The following SS18 variants were observed in gnomAD, a reference collection of about 807,000 sequenced individuals.
SS18 encodes SS18 subunit of BAF chromatin remodeling complex.
In SS18, 28 loss-of-function variants were observed where a neutral mutation model predicts 72.5. The observed-to-expected ratio is 0.39, with a 90% CI of 0.29 to 0.53. The LOEUF (loss-of-function observed/expected upper bound fraction) is 0.53. Among genes scored for constraint, SS18 ranks in the 20% least tolerant of loss-of-function variants. SS18 has a pLI of 0.76. For missense variants in SS18, 518 were observed against 535.3 expected, an observed-to-expected ratio of 0.97 and a Z score of 0.32; for synonymous variants, 172 against 164.2, an observed-to-expected ratio of 1.05 and a Z score of -0.37.
intron 5 of SS18, among the ~76,000 whole-genome samples, chr18:26,044,184 A>T (rs1323691199): frequency 3.3e-5 from 5 of 152,320 alleles, no homozygotes; most frequent in South Asian, 2.1e-4. Context: ...CATATTTTTT[A>T]AAATTATGTA....
chr18:26,054,191 A>T (rs12971135), intron 4 of SS18, among the ~76,000 whole-genome samples: 8,458 of 152,278 alleles, frequency 0.056, 273 homozygotes, highest in East Asian at 0.13. Flanking sequence ...AAGTATGTAC[A>T]TGTTCAATAC....
chr18:26,046,899 T>C (rs2053833464), intron 5 of SS18, among the ~76,000 whole-genome samples: 4 of 152,212 alleles, frequency 2.6e-5, no homozygotes, highest in East Asian at 3.8e-4. Context: ...GTTATTTATG[T>C]AGTGATTTGT....
chr18:26,073,081 C>T (rs2054345829), intron 3 of SS18, among the ~76,000 whole-genome samples: 1 of 151,888 alleles, frequency 6.6e-6, no homozygotes. Context: ...TAAAAACTGA[C>T]CATATGCTGG....
intron 2 of SS18, among the ~76,000 whole-genome samples, chr18:26,081,002 T>C (rs2054509052): frequency 6.8e-6 from 1 of 146,672 alleles, no homozygotes; most frequent in African/African-American, 2.6e-5. Flanking sequence ...TACCTCCAAA[T>C]CATTTTCCCT....
At chr18:26,086,832 A>AT (rs1327411947) in intron 2 of SS18, among the ~76,000 whole-genome samples, 4 of 152,242 alleles carry the variant, frequency 2.6e-5, no homozygotes, top group Non-Finnish European at 4.4e-5. Flanking sequence ...TTTCCCACAG[A>AT]TAAGACTATA....
chr18:26,058,640 G>T (rs562757561), intron 3 of SS18, among the ~76,000 whole-genome samples: 263 of 152,086 alleles, frequency 1.7e-3, no homozygotes, highest in Non-Finnish European at 3.0e-3. Context: ...ATTCTCTTTG[G>T]CACACTTAAT....
At chr18:26,047,366 T>G (rs921880847) in intron 5 of SS18, among the ~76,000 whole-genome samples, 1 of 151,930 alleles carries the variant, frequency 6.6e-6, no homozygotes, top group Non-Finnish European at 1.5e-5. Context: ...TCTCAGGCCT[T>G]TTAATAGTCT....
intron 4 of SS18, among the ~76,000 whole-genome samples, chr18:26,054,787 C>T (rs1207852359): frequency 6.6e-6 from 1 of 150,500 alleles, no homozygotes; most frequent in South Asian, 2.1e-4. Flanking sequence ...GTTGCCCAGG[C>T]TAGAGTGCAA....
At chr18:26,038,533 A>C (rs1018877598) in intron 7 of SS18, 22 bp downstream of exon 7, 7 of 1,594,456 alleles carry the variant, frequency 4.4e-6, no homozygotes, top group Non-Finnish European at 6.0e-6. Context: ...AAAATGGGAA[A>C]GTTAACATCA....
intron 3 of SS18, among the ~76,000 whole-genome samples, chr18:26,076,772 C>T (rs2054421648): frequency 6.6e-6 from 1 of 151,866 alleles, no homozygotes; most frequent in African/African-American, 2.4e-5. Context: ...TTCCATTGAT[C>T]AGAGAAACAA....
intron 9 of SS18, 46 bp from the exon 10 acceptor site, chr18:26,032,578 C>A: frequency 6.2e-7 from 1 of 1,600,940 alleles, no homozygotes; most frequent in Non-Finnish European, 8.5e-7. Context: ...AAGGTAAGTC[C>A]CTAGAACTCA....
chr18:26,042,295 A>C (rs1349303137), intron 5 of SS18, among the ~76,000 whole-genome samples: 1 of 152,188 alleles, frequency 6.6e-6, no homozygotes, highest in East Asian at 1.9e-4. Context: ...GGTATCATAC[A>C]TTACTACAGA....
At chr18:26,029,317 G>C (rs2143819493) in intron 10 of SS18, among the ~76,000 whole-genome samples, 1 of 152,278 alleles carries the variant, frequency 6.6e-6, no homozygotes, top group East Asian at 1.9e-4. Flanking sequence ...ACACCACAGG[G>C]TTGTAAGCAG....
chr18:26,022,990 C>T (rs772622721), intron 10 of SS18, among the ~76,000 whole-genome samples: 1 of 152,178 alleles, frequency 6.6e-6, no homozygotes, highest in Non-Finnish European at 1.5e-5. Context: ...CTAAACACTG[C>T]TCTTTGTCCT....
intron 5 of SS18, among the ~76,000 whole-genome samples, chr18:26,040,853 G>C (rs575337301): frequency 6.6e-6 from 1 of 152,116 alleles, no homozygotes; most frequent in African/African-American, 2.4e-5. Context: ...AGTCTTAGTA[G>C]AGACAAACTG....
rs995978396 is a variant in SS18 at position 26,041,193 on chromosome 18, T to C, written c.608-1737A>G. Among the ~76,000 whole-genome samples, 182 of 152,070 alleles carry C rather than the reference T, an allele frequency of 1.2e-3. 1 individual carries two copies. Among genetic ancestry groups the C allele is most frequent in the African/African-American group, 4.2e-3 (173 of 41,484 alleles). Reference sequence around the variant, plus strand: ...ATCCCAGCACTTTGGGAGGCTAAGGTGGGTGGATCACCTGAGGTCAGGAGT... The same window carrying C: ...ATCCCAGCACTTTGGGAGGCTAAGGCGGGTGGATCACCTGAGGTCAGGAGT... On this transcript the variant is annotated intron_variant, in intron 5 of 10. Transcript: ENST00000415083.
At chr18:26,088,778 T>C (rs2054662220) in intron 1 of SS18, among the ~76,000 whole-genome samples, 1 of 152,106 alleles carries the variant, frequency 6.6e-6, no homozygotes, top group Non-Finnish European at 1.5e-5. Flanking sequence ...TATTCAAAAG[T>C]ATTAGCACAA....
At chr18:26,024,372 T>C (rs999250335) in intron 10 of SS18, among the ~76,000 whole-genome samples, 4 of 152,188 alleles carry the variant, frequency 2.6e-5, no homozygotes, top group Non-Finnish European at 5.9e-5. Context: ...TCACTCAGCC[T>C]GGAGTATAGT....
intron 2 of SS18, chr18:26,081,454 G>A (rs978214225): frequency 6.6e-6 from 1 of 152,240 alleles, no homozygotes; most frequent in Non-Finnish European, 1.5e-5. Flanking sequence ...GCCTCTCAAA[G>A]TGCTGGGATT....
Sources: gnomAD v4.1 joint callset for allele counts (sites outside exome capture counted in the v4.1 genomes callset) on GRCh38, gnomAD v4.1.1 for gene constraint, MANE v1.5 for transcripts, NCBI Gene and HGNC (gene_info 2026-07-23, HGNC 2026-07-21) for gene names.